The following TNS1 variants were observed in gnomAD, a reference collection of about 807,000 sequenced individuals.
TNS1 encodes tensin 1.
In TNS1, 62 loss-of-function variants were observed where a neutral mutation model predicts 168.6. The observed-to-expected ratio is 0.37, with a 90% confidence interval of 0.30 to 0.45. TNS1 has a LOEUF of 0.45. Among genes scored for constraint, TNS1 ranks in the 20% least tolerant of loss-of-function variants. The pLI, the probability that TNS1 is intolerant of heterozygous loss-of-function variation, is 1.00. For missense variants in TNS1, 2,240 were observed against 2,339.4 expected (o/e 0.96, Z 0.88); for synonymous variants, 934 against 933.2 (o/e 1.00, Z -0.02).
chr2:217,867,729 G>C (rs951835253), intron 18 of TNS1, among the ~76,000 whole-genome samples: 1 of 152,196 alleles, frequency 6.6e-6, no homozygotes, highest in Non-Finnish European at 1.5e-5. Context: ...CCTGCCTCAG[G>C]GCCTTTGCAC....
chr2:218,025,927 C>G (rs575066394), intron 1 of TNS1, among the ~76,000 whole-genome samples: 1 of 152,142 alleles, frequency 6.6e-6, no homozygotes, highest in Non-Finnish European at 1.5e-5. Flanking sequence ...GAGGCTAGGA[C>G]GCATCCTCCA....
intron 1 of TNS1, among the ~76,000 whole-genome samples, chr2:218,002,230 G>C (rs935689031): frequency 1.3e-5 from 2 of 152,170 alleles, no homozygotes; most frequent in African/African-American, 4.8e-5. Context: ...GAGAGAAAGG[G>C]GGAAGAGCGG....
At chr2:217,980,698 G>A (rs1186929634) in intron 2 of TNS1, among the ~76,000 whole-genome samples, 1 of 152,064 alleles carries the variant, frequency 6.6e-6, no homozygotes, top group Non-Finnish European at 1.5e-5. Flanking sequence ...AACATCTCAT[G>A]TTCAACCAAA....
chr2:217,864,903 G>A (rs1388549228), intron 18 of TNS1, among the ~76,000 whole-genome samples: 2 of 152,154 alleles, frequency 1.3e-5, no homozygotes, highest in Non-Finnish European at 2.9e-5. Context: ...GTACGCAGTG[G>A]GGCAGAGTTG....
intron 31 of TNS1, 69 bp from the exon 32 acceptor site, chr2:217,808,176 C>T: frequency 6.3e-7 from 1 of 1,578,670 alleles, no homozygotes; most frequent in Non-Finnish European, 8.6e-7. Context: ...CCACCCATGC[C>T]CAGACCCTCT....
chr2:217,985,758 G>A (rs539552433), intron 2 of TNS1, among the ~76,000 whole-genome samples: 2 of 152,120 alleles, frequency 1.3e-5, no homozygotes, highest in East Asian at 1.9e-4. Flanking sequence ...CTGAGGCTTA[G>A]AGGGGGAAGC....
intron 1 of TNS1, among the ~76,000 whole-genome samples, chr2:218,021,604 C>G (rs911181034): frequency 6.6e-6 from 1 of 152,188 alleles, no homozygotes; most frequent in African/African-American, 2.4e-5. Flanking sequence ...CAGGGTGGAT[C>G]CCGGCACCCC....
At chr2:217,873,134 C>T (rs540696362) in intron 18 of TNS1, among the ~76,000 whole-genome samples, 2 of 152,246 alleles carry the variant, frequency 1.3e-5, no homozygotes, top group South Asian at 4.1e-4. Context: ...CCTAAATATA[C>T]TAAAACCCAT....
chr2:217,857,401 C>T (rs1003772273), intron 18 of TNS1, among the ~76,000 whole-genome samples: 2 of 152,284 alleles, frequency 1.3e-5, no homozygotes, highest in Admixed American at 1.3e-4. Context: ...GTGCTCTTGT[C>T]CCTAATGCTG....
chr2:217,969,071 C>A (rs1466714039), intron 3 of TNS1, among the ~76,000 whole-genome samples: 1 of 152,182 alleles, frequency 6.6e-6, no homozygotes, highest in Non-Finnish European at 1.5e-5. Flanking sequence ...AGAATTCCAA[C>A]TGGCTTATTT....
In TNS1 at chr2:217,895,065, A is replaced by C; in HGVS notation, c.544-9T>G. 6.2e-7 allele frequency: 1 copy of C among 1,608,986 alleles called. No homozygotes were observed. Among genetic ancestry groups the C allele is most frequent in the Non-Finnish European group, 8.5e-7 (1 of 1,177,616 alleles). ...TCAGAGAGGTTGAACAGCTAGAAGG[A>C]GCAAAAGGAAGAGAGCATGAGGAGG... On this transcript the variant is annotated splice_polypyrimidine_tract_variant and intron_variant, in intron 8 of 32. Transcript: ENST00000682258.
intron 19 of TNS1, among the ~76,000 whole-genome samples, chr2:217,844,674 C>T (rs1946408327): frequency 6.6e-6 from 1 of 152,230 alleles, no homozygotes; most frequent in Non-Finnish European, 1.5e-5. Context: ...TCACCTCTCT[C>T]CTGCAGAGCT....
At chr2:217,930,633 T>G (rs1427669) in intron 3 of TNS1, among the ~76,000 whole-genome samples, 60,422 of 151,944 alleles carry the variant, frequency 0.4, 15,317 homozygotes, top group African/African-American at 0.72. Context: ...TCTGAGCTGG[T>G]CAGGGAGCAG....
chr2:217,864,998 G>A (rs116791662), intron 18 of TNS1, among the ~76,000 whole-genome samples: 1,740 of 152,252 alleles, frequency 0.011, 31 homozygotes, highest in African/African-American at 0.039. Flanking sequence ...CCATGCATGA[G>A]AGGTGGCTAT....
intron 21 of TNS1, among the ~76,000 whole-genome samples, chr2:217,833,608 T>C (rs535238082): frequency 1.3e-5 from 2 of 152,336 alleles, no homozygotes; most frequent in South Asian, 2.1e-4. Context: ...CCATGGAAAG[T>C]GAGAGAGGTT....
intron 2 of TNS1, 101 bp downstream of exon 2, chr2:217,990,841 C>T (rs532271011): frequency 6.9e-6 from 3 of 434,186 alleles, no homozygotes; most frequent in African/African-American, 4.0e-5. Flanking sequence ...GGTTGGGACC[C>T]CAAGGATGTG....
intron 3 of TNS1, among the ~76,000 whole-genome samples, chr2:217,974,778 C>T (rs1319072769): frequency 2.0e-5 from 3 of 152,264 alleles, no homozygotes; most frequent in Middle Eastern, 6.8e-3. Context: ...AGAGTTCAAA[C>T]CCAAGTATGT....
intron 18 of TNS1, among the ~76,000 whole-genome samples, chr2:217,860,407 G>T (rs1364357240): frequency 6.6e-6 from 1 of 152,202 alleles, no homozygotes; most frequent in African/African-American, 2.4e-5. Flanking sequence ...GAGACCAGGG[G>T]AGGGGAAGCA....
Position 217,934,499 on chromosome 2 carries a change from T to C in TNS1, c.187-14263A>G, listed in dbSNP as rs146186368. Among the ~76,000 whole-genome samples, 73 of 152,298 alleles carry C rather than the reference T, an allele frequency of 4.8e-4. No homozygotes were observed. The East Asian group carries it at 0.013, about 27-fold the overall frequency. On this transcript the variant is annotated intron_variant, in intron 3 of 32. Transcript: ENST00000682258. ...ACTCACAACTGTTACTCACTTTGCC[T>C]CTGCACCCCCATCCCCAGCACATCA...
Sources: allele counts gnomAD v4.1 joint callset (sites outside exome capture counted in the v4.1 genomes callset), GRCh38; gene constraint gnomAD v4.1.1; transcripts MANE v1.5; gene names NCBI Gene and HGNC (gene_info 2026-07-23, HGNC 2026-07-21).